The following TDRP variants were observed in gnomAD, a reference collection of about 807,000 sequenced individuals.
TDRP encodes the protein testis development-related protein.
Under a neutral mutation model 10.5 loss-of-function variants are expected in TDRP, and 12 were observed. The observed-to-expected ratio is 1.15, with a 90% CI of 0.73 to 1.86. The LOEUF (loss-of-function observed/expected upper bound fraction) is 1.86. Ranked by LOEUF, TDRP falls within the 40% of genes most tolerant of loss-of-function variation. The pLI, the probability that TDRP is intolerant of heterozygous loss-of-function variation, is 0.00. For missense variants in TDRP, 353 were observed against 229.2 expected (o/e 1.54, Z -3.49); for synonymous variants, 139 against 95.4 (o/e 1.46, Z -2.67).
chr8:519,833 G>A (rs911930149), intron 1 of TDRP, among the ~76,000 whole-genome samples: 22 of 152,220 alleles, frequency 1.4e-4, no homozygotes, highest in African/African-American at 5.1e-4. Flanking sequence ...GGCTCATCTT[G>A]AATTATTGTT....
chr8:501,198 T>G (rs1250620323), intron 1 of TDRP, among the ~76,000 whole-genome samples: 5 of 151,516 alleles, frequency 3.3e-5, no homozygotes, highest in Non-Finnish European at 5.9e-5. Context: ...AGAGTGAGAC[T>G]CCATCTCAAA....
chr8:540,791 A>C (rs1391208601), intron 1 of TDRP, among the ~76,000 whole-genome samples: 2 of 138,330 alleles, frequency 1.4e-5, no homozygotes, highest in Non-Finnish European at 3.1e-5. Flanking sequence ...ACCTAATATT[A>C]TCTACTTTTT....
At chr8:510,416 G>A (rs1584863682) in intron 1 of TDRP, among the ~76,000 whole-genome samples, 1 of 152,202 alleles carries the variant, frequency 6.6e-6, no homozygotes, top group East Asian at 1.9e-4. Context: ...AGGAACCACA[G>A]ACAAAAGATC....
intron 1 of TDRP, among the ~76,000 whole-genome samples, chr8:526,669 G>C (rs1033609085): frequency 1.3e-5 from 2 of 151,938 alleles, no homozygotes; most frequent in South Asian, 2.1e-4. Context: ...TCTCTTTTTG[G>C]TATGTCTTAG....
In TDRP at chr8:516,370, A is replaced by T. The variant is rs117587502; in HGVS notation, c.109-21773T>A. On this transcript the variant is annotated intron_variant, in intron 1 of 2. Transcript: ENST00000324079. ...AAAATATTTGGAAAAGGCACATCTGATAAAGGATTGTTGTCCAAAATATAC... is the reference window on the plus strand; with the variant it reads ...AAAATATTTGGAAAAGGCACATCTGTTAAAGGATTGTTGTCCAAAATATAC... Among the ~76,000 whole-genome samples the T allele has an allele frequency of 5.2e-3, 799 of 152,378 alleles. 3 individuals are homozygous for T. The highest frequency in any genetic ancestry group is 9.6e-3 in the Non-Finnish European group (650 of 68,042).
intron 1 of TDRP, among the ~76,000 whole-genome samples, chr8:525,213 CAAA>C (rs926534785): frequency 6.6e-6 from 1 of 152,020 alleles, no homozygotes; most frequent in Non-Finnish European, 1.5e-5. Flanking sequence ...GATTATCTGG[CAAA>C]AATGTCCTTC....
At chr8:529,381 A>T (rs79746965) in intron 1 of TDRP, among the ~76,000 whole-genome samples, 1 of 152,198 alleles carries the variant, frequency 6.6e-6, no homozygotes, top group Non-Finnish European at 1.5e-5. Context: ...GTCTAATTCT[A>T]TACCAGAATT....
chr8:500,665 T>A (rs1305462174), intron 1 of TDRP, among the ~76,000 whole-genome samples: 1 of 152,248 alleles, frequency 6.6e-6, no homozygotes, highest in Non-Finnish European at 1.5e-5. Context: ...CATTAAGTTC[T>A]GAATTATCCC....
chr8:492,002 C>G lies in TDRP; in HGVS notation c.*397G>C. 9.0e-7 allele frequency: 1 copy of G among 1,116,248 alleles called. No homozygotes were observed. The highest frequency in any genetic ancestry group is 1.1e-6 in the Non-Finnish European group (1 of 915,672). 69.1% of individuals were successfully genotyped at this position (1,116,248 alleles called of 1,614,324 possible). ...GCAAAAGAAAAGAACTGCATGACAG[C>G]TGCATTTATACGTGCTACATACAAG... On this transcript the variant is annotated 3_prime_UTR_variant, in exon 3 of 3. Transcript: ENST00000324079.
chr8:541,839 G>A (rs149878915), intron 1 of TDRP, among the ~76,000 whole-genome samples: 1,870 of 152,266 alleles, frequency 0.012, 15 homozygotes, highest in Non-Finnish European at 0.019. Flanking sequence ...TTGGAAGACG[G>A]TTTGGCGGTT....
intron 1 of TDRP, among the ~76,000 whole-genome samples, chr8:514,333 G>A (rs11775731): frequency 8.5e-5 from 13 of 152,214 alleles, no homozygotes; most frequent in Admixed American, 2.0e-4. Flanking sequence ...TTCAAGAAGA[G>A]TGCCAAGACA....
chr8:507,220 C>T (rs552152994), intron 1 of TDRP, among the ~76,000 whole-genome samples: 3 of 152,194 alleles, frequency 2.0e-5, no homozygotes, highest in Admixed American at 6.5e-5. Flanking sequence ...CAATCACTTC[C>T]TTCCCTCAAC....
At chr8:538,182 T>C (rs1295983261) in intron 1 of TDRP, among the ~76,000 whole-genome samples, 6 of 152,062 alleles carry the variant, frequency 3.9e-5, no homozygotes. Context: ...CAAAGGAGTC[T>C]CGGGATGGGA....
At position 520,310 on chromosome 8, in the gene TDRP, T is replaced by C. The variant is rs567289333; in HGVS notation, c.108+24340A>G. On this transcript the variant is annotated intron_variant, in intron 1 of 2. Coordinates refer to ENST00000324079, the MANE Select transcript of TDRP (RefSeq NM_001384899.1). ...CCTTCTTTTCTAAGGCTGAATAATA[T>C]TCCATTGAACATATGTACTATATTT... Among the ~76,000 whole-genome samples the C allele has an allele frequency of 4.6e-5, 7 of 152,306 alleles. No homozygotes were observed. In the South Asian group the frequency reaches 1.2e-3, roughly 27 times the overall value.
chr8:511,433 T>C (rs1279563504), intron 1 of TDRP, among the ~76,000 whole-genome samples: 1 of 151,964 alleles, frequency 6.6e-6, no homozygotes, highest in Non-Finnish European at 1.5e-5. Context: ...AATTAAAGAC[T>C]TACATGTACA....
intron 1 of TDRP, among the ~76,000 whole-genome samples, chr8:524,799 T>G (rs1195490779): frequency 1.3e-5 from 2 of 152,132 alleles, no homozygotes. Flanking sequence ...CAATGAGGCT[T>G]GCTTACAGGA....
At chr8:521,947 A>C (rs1338882292) in intron 1 of TDRP, among the ~76,000 whole-genome samples, 1 of 151,982 alleles carries the variant, frequency 6.6e-6, no homozygotes, top group Non-Finnish European at 1.5e-5. Flanking sequence ...ATTATTTCTA[A>C]GTACCTTTTT....
intron 1 of TDRP, among the ~76,000 whole-genome samples, chr8:535,766 CGT>C (rs1563132717): frequency 0.02 from 2,917 of 143,920 alleles, 139 homozygotes; most frequent in African/African-American, 0.072. Flanking sequence ...CAGGTCTCAG[CGT>C]AGGGGTGGGC....
intron 1 of TDRP, among the ~76,000 whole-genome samples, chr8:522,800 A>T (rs1487192639): frequency 6.6e-6 from 1 of 152,116 alleles, no homozygotes; most frequent in Non-Finnish European, 1.5e-5. Flanking sequence ...GTTTTGTGAC[A>T]GTTTTTGACT....
Sources: allele counts gnomAD v4.1 joint callset (sites outside exome capture counted in the v4.1 genomes callset), GRCh38; gene constraint gnomAD v4.1.1; transcripts MANE v1.5; gene names NCBI Gene and HGNC (gene_info 2026-07-23, HGNC 2026-07-21).